Variants in CFAP54 observed in about 807,000 individuals in gnomAD.
CFAP54 encodes the protein cilia and flagella associated protein 54, also known as cilia- and flagella-associated protein 54.
A neutral mutation model predicts 370.4 loss-of-function variants in CFAP54; 290 were observed. The observed-to-expected ratio is 0.78, with a 90% confidence interval of 0.71 to 0.86. CFAP54 has a LOEUF of 0.86. Ranked by LOEUF, CFAP54 falls within the 40% of genes least tolerant of loss-of-function variation. The pLI is 0.00. For missense variants in CFAP54, 3,399 were observed against 3,528.7 expected, an observed-to-expected ratio of 0.96 and a Z score of 0.93; for synonymous variants, 1,206 against 1,236.5, an observed-to-expected ratio of 0.98 and a Z score of 0.52.
intron 46 of CFAP54, among the ~76,000 whole-genome samples, chr12:96,704,164 A>C (rs1000098343): frequency 1.3e-5 from 2 of 152,076 alleles, no homozygotes; most frequent in Non-Finnish European, 2.9e-5. Flanking sequence ...GCAGTGGCTC[A>C]CGCCTATAAT....
In CFAP54 at chr12:96,650,060, C is replaced by T. The variant is rs1361802503; in HGVS notation, c.4860C>T (p.Cys1620=). Residue 1620 remains cysteine (C), a synonymous_variant, in exon 35 of 68, where the codon TGC becomes TGT. Coordinates refer to ENST00000524981, the MANE Select transcript of CFAP54 (RefSeq NM_001306084.2). ...MDHFMKIFLY[C]RRAMVLAHRG... is the part of the protein sequence containing the mutation. ...ATTTTATGAAAATCTTTTTATACTG[C>T]AGGAGAGCAATGGTAATGCAATCTT... 1 of 1,609,164 alleles carries T rather than the reference C, an allele frequency of 6.2e-7. No individual in the cohort carries two copies. Among genetic ancestry groups the T allele is most frequent in the Non-Finnish European group, 8.5e-7 (1 of 1,178,254 alleles).
intron 26 of CFAP54, 141 bp downstream of exon 26, chr12:96,598,908 A>G: frequency 5.0e-6 from 2 of 398,626 alleles, no homozygotes; most frequent in East Asian, 7.1e-5. Flanking sequence ...TGTAGAGGCC[A>G]AACATTATAG....
intron 22 of CFAP54, among the ~76,000 whole-genome samples, chr12:96,587,091 T>A (rs1956081799): frequency 6.6e-6 from 1 of 152,110 alleles, no homozygotes; most frequent in South Asian, 2.1e-4. Flanking sequence ...TGTGGAAGGC[T>A]GTGGGTGGTG....
At chr12:96,664,765 C>CTATA (rs1209615152) in intron 39 of CFAP54, among the ~76,000 whole-genome samples, 1 of 73,628 alleles carries the variant, frequency 1.4e-5, no homozygotes, top group African/African-American at 6.0e-5. Context: ...CTATATATAT[C>CTATA]TATATCTATA....
At chr12:96,637,104 A>T (rs968839724) in intron 32 of CFAP54, among the ~76,000 whole-genome samples, 1 of 152,158 alleles carries the variant, frequency 6.6e-6, no homozygotes, top group African/African-American at 2.4e-5. Context: ...TCCTGTTTCT[A>T]CAGATTTGCC....
chr12:96,642,279 C>G (rs1298343637), intron 32 of CFAP54, among the ~76,000 whole-genome samples: 1 of 152,030 alleles, frequency 6.6e-6, no homozygotes, highest in Non-Finnish European at 1.5e-5. Context: ...TTGTACACAC[C>G]TTGTACAGCC....
At chr12:96,605,552 G>A (rs919549964) in intron 26 of CFAP54, among the ~76,000 whole-genome samples, 3 of 152,192 alleles carry the variant, frequency 2.0e-5, no homozygotes, top group African/African-American at 7.2e-5. Context: ...CTAAACCCAC[G>A]AGAAGACATA....
In CFAP54 at chr12:96,679,631, G is replaced by A. The variant is rs754245708; in HGVS notation, c.5595G>A (p.Val1865=). The change falls in exon 40 of 68, where the codon GTG becomes GTA. Residue 1865 remains valine (V), a synonymous_variant. Transcript: ENST00000524981. ...EYSRAKALVC[V]PVDVTDTLRC... is the part of the protein sequence containing the mutation. The stretch of plus-strand genomic sequence containing the variant: ...GCCGAGCCAAAGCGCTTGTCTGCGT[G>A]CCCGTGGACGTGACAGACACCTTGA... 2.5e-6 allele frequency: 4 copies of A among 1,613,006 alleles called. No individual in the cohort carries two copies. In the East Asian group the frequency reaches 8.9e-5, roughly 36 times the overall value.
Position 96,534,050 on chromosome 12 carries a change from T to C in CFAP54, c.1540-12T>C. 1 of 1,513,562 alleles carries C rather than the reference T, an allele frequency of 6.6e-7. No individual in the cohort carries two copies. The highest frequency in any genetic ancestry group is 8.8e-7 in the Non-Finnish European group (1 of 1,137,858). The allele number at this position is 1,513,562 out of a possible 1,614,324, so 93.8% of individuals were successfully genotyped here. On this transcript the variant is annotated splice_polypyrimidine_tract_variant and intron_variant, in intron 10 of 67. Coordinates refer to ENST00000524981, the MANE Select transcript of CFAP54 (RefSeq NM_001306084.2). ...CAATTACTAATTAACGTGTGGGATATACTTCCCCAAGAGGCAGGATGATCC... is the reference window on the plus strand; with the variant it reads ...CAATTACTAATTAACGTGTGGGATACACTTCCCCAAGAGGCAGGATGATCC...
At chr12:96,744,257 C>A in intron 55 of CFAP54, 111 bp downstream of exon 55, 1 of 918,668 alleles carries the variant, frequency 1.1e-6, no homozygotes, top group Non-Finnish European at 1.6e-6. Context: ...TTTATGAATA[C>A]TCAGGCTCCA....
At chr12:96,549,704 T>C (rs1267528367) in intron 15 of CFAP54, among the ~76,000 whole-genome samples, 1 of 152,234 alleles carries the variant, frequency 6.6e-6, no homozygotes, top group Admixed American at 6.5e-5. Flanking sequence ...ATTATAATAG[T>C]ACCTATTCCA....
At chr12:96,857,185 G>A (rs1959728153) in intron 66 of CFAP54, among the ~76,000 whole-genome samples, 1 of 152,124 alleles carries the variant, frequency 6.6e-6, no homozygotes, top group Admixed American at 6.5e-5. Flanking sequence ...GTGACACATG[G>A]GGATTATGGG....
At chr12:96,523,624 G>C (rs1421466773) in intron 8 of CFAP54, among the ~76,000 whole-genome samples, 2 of 152,000 alleles carry the variant, frequency 1.3e-5, no homozygotes, top group Non-Finnish European at 2.9e-5. Context: ...CCTTGGATAA[G>C]CTTTTAAGCT....
In CFAP54 at chr12:96,743,811, G is replaced by C. The variant is rs752754926; in HGVS notation, c.7458G>C (p.Leu2486=). The C allele has an allele frequency of 6.2e-7, 1 of 1,613,830 alleles. No homozygotes were observed. Among genetic ancestry groups the C allele is most frequent in the Admixed American group, 1.7e-5 (1 of 59,984 alleles). The change falls in exon 54 of 68, where the codon CTG becomes CTC. Residue 2486 remains leucine, a synonymous_variant. Coordinates refer to ENST00000524981, the MANE Select transcript of CFAP54 (RefSeq NM_001306084.2). ...CCCTGGCAAGAAGCCTAGTTTTGCT[G>C]GATGACTTAACCAAAGCTGAGAAAT... ...RLTLARSLVL[L]DDLTKAEKFK...
chr12:96,577,976 C>T (rs187915708), intron 20 of CFAP54, among the ~76,000 whole-genome samples: 52 of 152,014 alleles, frequency 3.4e-4, no homozygotes, highest in Non-Finnish European at 4.7e-4. Context: ...GCAGGAGAAT[C>T]GCTTGAACCT....
chr12:96,505,326 T>C (rs185430588), intron 3 of CFAP54, among the ~76,000 whole-genome samples: 2 of 151,916 alleles, frequency 1.3e-5, no homozygotes, highest in Non-Finnish European at 1.5e-5. Context: ...CCTCCCAAAG[T>C]GCTGGGATTA....
chr12:96,535,435 A>G, intron 11 of CFAP54, 80 bp from the exon 12 acceptor site: 1 of 823,622 alleles, frequency 1.2e-6, no homozygotes, highest in Non-Finnish European at 2.0e-6. Flanking sequence ...TTTTTAGCAT[A>G]TTTGTGTTTC....
intron 66 of CFAP54, among the ~76,000 whole-genome samples, chr12:96,844,984 C>A (rs1233868784): frequency 6.6e-6 from 1 of 152,210 alleles, no homozygotes; most frequent in African/African-American, 2.4e-5. Flanking sequence ...CCATACAGAA[C>A]TTCTCAAGTA....
At chr12:96,755,168 C>T (rs1958239496) in intron 56 of CFAP54, among the ~76,000 whole-genome samples, 1 of 152,004 alleles carries the variant, frequency 6.6e-6, no homozygotes, top group African/African-American at 2.4e-5. Context: ...TATTTTTTCT[C>T]CTTAGGTTTG....
Sources: allele counts gnomAD v4.1 joint callset (sites outside exome capture counted in the v4.1 genomes callset), GRCh38; gene constraint gnomAD v4.1.1; transcripts MANE v1.5; gene names NCBI Gene and HGNC (gene_info 2026-07-23, HGNC 2026-07-21).